CDH12: variants seen among roughly 807,000 people sequenced by gnomAD.
The protein encoded by CDH12 is cadherin-12.
Under a neutral mutation model 74.1 loss-of-function variants are expected in CDH12, and 41 were observed. The ratio of observed to expected loss-of-function variants is 0.55; its 90% CI spans 0.43 to 0.72. CDH12 has a LOEUF of 0.72. Ranked by LOEUF, CDH12 falls within the 30% of genes least tolerant of loss-of-function variation. The probability of loss-of-function intolerance (pLI) is 0.00; values close to 1 mark genes in which losing one functional copy is unlikely to be tolerated. For missense variants in CDH12, 945 were observed against 977.2 expected, an observed-to-expected ratio of 0.97 and a Z score of 0.44; for synonymous variants, 399 against 355.0, an observed-to-expected ratio of 1.12 and a Z score of -1.39.
chr5:22,374,546 A>G (rs1741439153), intron 3 of CDH12, among the ~76,000 whole-genome samples: 1 of 152,164 alleles, frequency 6.6e-6, no homozygotes, highest in African/African-American at 2.4e-5. Context: ...ATATAATCTT[A>G]CATCTAGAAA....
At chr5:22,274,713 G>A (rs1326664200) in intron 3 of CDH12, among the ~76,000 whole-genome samples, 1 of 151,976 alleles carries the variant, frequency 6.6e-6, no homozygotes, top group African/African-American at 2.4e-5. Context: ...TATAAACCCA[G>A]TGCAGTAAGA....
In CDH12 at chr5:21,752,201, T is replaced by C; in HGVS notation, c.1921A>G (p.Lys641Glu). Residue 641 changes from lysine (K) to glutamate (E), a missense_variant, in exon 15 of 15, where the codon AAG (lysine) becomes GAG (glutamate). Coordinates refer to ENST00000382254, the MANE Select transcript of CDH12 (RefSeq NM_004061.5). ...VVLYVALRRQ[K>E]KKDTLMTSKE... ...GAGGTCATCAGGGTGTCTTTTTTCT[T>C]CTGCCTTCGCAGTGCTACATACAGT... 2 of 1,613,854 alleles carry C rather than the reference T, an allele frequency of 1.2e-6. No individual in the cohort carries two copies. The highest frequency in any genetic ancestry group is 1.1e-5 in the South Asian group (1 of 91,058).
At chr5:22,624,752 C>T (rs1329639624) in intron 1 of CDH12, among the ~76,000 whole-genome samples, 1 of 152,164 alleles carries the variant, frequency 6.6e-6, no homozygotes, top group African/African-American at 2.4e-5. Context: ...GACAGTGTGG[C>T]GATTCCTCAA....
chr5:21,883,389 C>T, intron 6 of CDH12: 3 of 1,553,504 alleles, frequency 1.9e-6, no homozygotes, highest in Non-Finnish European at 1.8e-6. Flanking sequence ...TGCCAATGCT[C>T]ACCATAAGCC....
At chr5:22,064,356 C>T (rs1453700418) in intron 5 of CDH12, among the ~76,000 whole-genome samples, 3 of 152,120 alleles carry the variant, frequency 2.0e-5, no homozygotes, top group Admixed American at 6.6e-5. Context: ...TAAATACACA[C>T]ATATTCTGTT....
chr5:22,317,147 G>A (rs537390649), intron 3 of CDH12, among the ~76,000 whole-genome samples: 3 of 152,096 alleles, frequency 2.0e-5, no homozygotes, highest in South Asian at 2.1e-4. Context: ...GTGAAACCCC[G>A]TCTCTACTAA....
intron 5 of CDH12, among the ~76,000 whole-genome samples, chr5:22,024,708 A>G (rs888686135): frequency 1.3e-4 from 19 of 151,840 alleles, no homozygotes; most frequent in African/African-American, 4.6e-4. Flanking sequence ...GAGACAATGT[A>G]TTGCCATATT....
chr5:22,758,788 G>A (rs1553999542), intron 1 of CDH12, among the ~76,000 whole-genome samples: 1 of 152,128 alleles, frequency 6.6e-6, no homozygotes, highest in Non-Finnish European at 1.5e-5. Context: ...GAAGGGCTAT[G>A]AAATTGTGTA....
At position 21,798,828 on chromosome 5, in the gene CDH12, C is replaced by T. The variant is rs1047304871; in HGVS notation, c.1256+3339G>A. The stretch of plus-strand genomic sequence containing the variant: ...TATATGTTTTTTGCTGAAGCCACTC[C>T]ATCAACGGTAATTTGTTATAGCAGC... On this transcript the variant is annotated intron_variant, in intron 10 of 14. Coordinates refer to ENST00000382254, the MANE Select transcript of CDH12 (RefSeq NM_004061.5). 2.4e-4 allele frequency among the ~76,000 whole-genome samples: 37 copies of T among 152,188 alleles called. 1 individual carries two copies. Among genetic ancestry groups the T allele is most frequent in the African/African-American group, 8.9e-4 (37 of 41,532 alleles).
intron 1 of CDH12, among the ~76,000 whole-genome samples, chr5:22,514,035 T>C (rs1373238614): frequency 6.6e-6 from 1 of 150,630 alleles, no homozygotes; most frequent in Non-Finnish European, 1.5e-5. Flanking sequence ...AATATAAGTA[T>C]AATACAATTA....
intron 1 of CDH12, among the ~76,000 whole-genome samples, chr5:22,819,396 A>G (rs928720804): frequency 6.6e-6 from 1 of 152,148 alleles, no homozygotes; most frequent in African/African-American, 2.4e-5. Context: ...TATCTTAAAT[A>G]GGTAAACAAA....
intron 12 of CDH12, among the ~76,000 whole-genome samples, chr5:21,764,721 A>C (rs1243042422): frequency 6.6e-6 from 1 of 152,014 alleles, no homozygotes; most frequent in Non-Finnish European, 1.5e-5. Flanking sequence ...ACATAGCAGA[A>C]ACCACAAGTG....
chr5:22,388,644 T>C (rs567157691), intron 3 of CDH12, among the ~76,000 whole-genome samples: 1 of 152,298 alleles, frequency 6.6e-6, no homozygotes, highest in East Asian at 1.9e-4. Flanking sequence ...TCATATTATG[T>C]ACAATAGTTT....
intron 1 of CDH12, among the ~76,000 whole-genome samples, chr5:22,592,997 T>A (rs889739486): frequency 3.5e-5 from 5 of 144,410 alleles, no homozygotes; most frequent in Admixed American, 1.5e-4. Flanking sequence ...ACGACTGCAC[T>A]GTAGCCTGAG....
chr5:21,895,263 T>C (rs775619550), intron 6 of CDH12, among the ~76,000 whole-genome samples: 1 of 152,120 alleles, frequency 6.6e-6, no homozygotes, highest in Non-Finnish European at 1.5e-5. Flanking sequence ...ACATACCCCA[T>C]GTTTAGAGGT....
chr5:22,422,120 T>C (rs1743678667), intron 2 of CDH12, among the ~76,000 whole-genome samples: 1 of 152,146 alleles, frequency 6.6e-6, no homozygotes, highest in Admixed American at 6.5e-5. Flanking sequence ...CTACGGTGAA[T>C]AGGAGTGGTG....
intron 6 of CDH12, among the ~76,000 whole-genome samples, chr5:21,939,865 A>C (rs930614085): frequency 1.3e-5 from 2 of 152,162 alleles, no homozygotes; most frequent in African/African-American, 4.8e-5. Context: ...ATAATTAAAA[A>C]TATGAGAAAA....
intron 4 of CDH12, among the ~76,000 whole-genome samples, chr5:22,192,981 G>T (rs1750394244): frequency 6.6e-6 from 1 of 152,088 alleles, no homozygotes; most frequent in African/African-American, 2.4e-5. Flanking sequence ...TATAGTTAAG[G>T]AAGTCGGAAA....
chr5:22,367,740 C>T (rs116695522), intron 3 of CDH12, among the ~76,000 whole-genome samples: 1 of 152,134 alleles, frequency 6.6e-6, no homozygotes, highest in Non-Finnish European at 1.5e-5. Context: ...GTAGAGATAA[C>T]ACCTTTGTCT....
Sources: gnomAD v4.1 joint callset for allele counts (sites outside exome capture counted in the v4.1 genomes callset) on GRCh38, gnomAD v4.1.1 for gene constraint, MANE v1.5 for transcripts, NCBI Gene and HGNC (gene_info 2026-07-23, HGNC 2026-07-21) for gene names.